CDH18: variants seen among roughly 807,000 people sequenced by gnomAD.
The protein encoded by CDH18 is cadherin 18, also known as cadherin-18.
A neutral mutation model predicts 67.9 loss-of-function variants in CDH18; 31 were observed. That is an observed-to-expected ratio of 0.46 (90% CI 0.34 to 0.62). CDH18 has a LOEUF of 0.62. CDH18 is among the 20% of genes least tolerant of loss of function. The probability of loss-of-function intolerance (pLI) is 0.01; values close to 1 mark genes in which losing one functional copy is unlikely to be tolerated. For synonymous variants in CDH18, 362 were observed against 347.2 expected (o/e 1.04, Z -0.48); for missense variants, 890 against 975.5 (o/e 0.91, Z 1.17).
intron 2 of CDH18, among the ~76,000 whole-genome samples, chr5:19,953,118 A>C (rs990491352): frequency 6.6e-6 from 1 of 152,124 alleles, no homozygotes. Flanking sequence ...AGGAGGAAAG[A>C]CACAAACAGT....
chr5:20,108,458 G>A (rs779560971), intron 2 of CDH18, among the ~76,000 whole-genome samples: 6 of 152,074 alleles, frequency 3.9e-5, no homozygotes, highest in Non-Finnish European at 7.4e-5. Flanking sequence ...TTAGGACTCC[G>A]ATGTGTGAAT....
At chr5:19,496,156 G>A (rs1338374875) in intron 11 of CDH18, among the ~76,000 whole-genome samples, 1 of 152,158 alleles carries the variant, frequency 6.6e-6, no homozygotes, top group African/African-American at 2.4e-5. Flanking sequence ...AGGCCACTGT[G>A]AGTGCACAAG....
chr5:19,562,501 T>C (rs1372369686), intron 8 of CDH18, among the ~76,000 whole-genome samples: 1 of 152,174 alleles, frequency 6.6e-6, no homozygotes, highest in Non-Finnish European at 1.5e-5. Flanking sequence ...GTACCATTAT[T>C]TACCAATAAA....
intron 4 of CDH18, among the ~76,000 whole-genome samples, chr5:19,739,673 CT>C (rs1429418555): frequency 1.3e-5 from 2 of 152,158 alleles, no homozygotes; most frequent in African/African-American, 4.8e-5. Flanking sequence ...ATTTTGTCTA[CT>C]TTCTGGTTTG....
intron 2 of CDH18, among the ~76,000 whole-genome samples, chr5:20,219,417 A>G (rs1199803663): frequency 2.0e-5 from 3 of 151,800 alleles, no homozygotes; most frequent in African/African-American, 7.3e-5. Flanking sequence ...ACTAATATCA[A>G]TCTTACTCAA....
intron 1 of CDH18, among the ~76,000 whole-genome samples, chr5:20,503,467 T>C (rs1754462724): frequency 6.6e-6 from 1 of 152,168 alleles, no homozygotes; most frequent in Non-Finnish European, 1.5e-5. Context: ...ACAGAGTTAA[T>C]CATTGAGTTG....
intron 1 of CDH18, among the ~76,000 whole-genome samples, chr5:20,257,116 A>T (rs756281357): frequency 6.6e-6 from 1 of 152,046 alleles, no homozygotes; most frequent in Non-Finnish European, 1.5e-5. Context: ...ACCTTTTCCA[A>T]AATGACCTTC....
chr5:19,745,444 C>G (rs546900918), intron 4 of CDH18, among the ~76,000 whole-genome samples: 39 of 152,246 alleles, frequency 2.6e-4, no homozygotes, highest in Admixed American at 9.2e-4. Context: ...GGGGCCCTTA[C>G]TTACCTTGGA....
intron 2 of CDH18, among the ~76,000 whole-genome samples, chr5:19,866,189 C>T (rs1448872877): frequency 6.6e-6 from 1 of 152,202 alleles, no homozygotes; most frequent in Non-Finnish European, 1.5e-5. Flanking sequence ...ATGAAGCATG[C>T]CTTGAGGCGT....
At position 20,548,876 on chromosome 5, in the gene CDH18, T is replaced by C. The variant is rs867540823; in HGVS notation, c.-580+26586A>G. On this transcript the variant is annotated intron_variant, in intron 1 of 14. Coordinates refer to the CDH18 transcript ENST00000507958. ...ATGTCTTGATCTGGAAAATCTTAAG[T>C]GTACTGGTGAAAGAGAGAAGTTGGC... Among the ~76,000 whole-genome samples the C allele has an allele frequency of 2.2e-4, 33 of 152,164 alleles. No individual in the cohort carries two copies. The South Asian group carries it at 4.4e-3, about 20-fold the overall frequency.
At chr5:19,976,241 A>G (rs1211073306) in intron 2 of CDH18, among the ~76,000 whole-genome samples, 1 of 152,216 alleles carries the variant, frequency 6.6e-6, no homozygotes, top group Admixed American at 6.6e-5. Context: ...TTTACTTTAC[A>G]TAATACATTA....
chr5:19,822,836 A>G (rs1040353669), intron 3 of CDH18, among the ~76,000 whole-genome samples: 3 of 152,148 alleles, frequency 2.0e-5, no homozygotes, highest in African/African-American at 7.2e-5. Flanking sequence ...GGTCTGACCA[A>G]AAATTTATTA....
chr5:20,511,969 C>T (rs573531432), intron 1 of CDH18, among the ~76,000 whole-genome samples: 14 of 152,204 alleles, frequency 9.2e-5, no homozygotes, highest in Admixed American at 5.9e-4. Context: ...TGGCTCACGC[C>T]GAGCACTTTG....
At chr5:19,687,314 G>A (rs1159556251) in intron 5 of CDH18, among the ~76,000 whole-genome samples, 1 of 152,168 alleles carries the variant, frequency 6.6e-6, no homozygotes, top group Non-Finnish European at 1.5e-5. Context: ...GCCTCCATCA[G>A]AATGCATCCT....
chr5:19,794,240 T>G (rs1200503735), intron 3 of CDH18, among the ~76,000 whole-genome samples: 1 of 152,140 alleles, frequency 6.6e-6, no homozygotes, highest in African/African-American at 2.4e-5. Flanking sequence ...TGAATGTGTC[T>G]GTGAGAGTAT....
At chr5:20,299,024 A>T (rs1638511235) in intron 1 of CDH18, among the ~76,000 whole-genome samples, 1 of 152,190 alleles carries the variant, frequency 6.6e-6, no homozygotes, top group African/African-American at 2.4e-5. Context: ...TGACGGTTGG[A>T]AAAACGCAAT....
chr5:20,123,392 C>G (rs1748535977), intron 2 of CDH18, among the ~76,000 whole-genome samples: 1 of 152,152 alleles, frequency 6.6e-6, no homozygotes, highest in Non-Finnish European at 1.5e-5. Context: ...CAGGCCTGTA[C>G]GTGAGGGACA....
intron 2 of CDH18, among the ~76,000 whole-genome samples, chr5:19,994,640 C>A (rs1317203628): frequency 1.4e-5 from 2 of 139,262 alleles, no homozygotes; most frequent in Non-Finnish European, 3.1e-5. Context: ...TCCTCACTAC[C>A]CTCTAGCAAT....
intron 3 of CDH18, among the ~76,000 whole-genome samples, chr5:19,772,424 A>G (rs746491818): frequency 1.3e-5 from 2 of 152,138 alleles, no homozygotes; most frequent in Non-Finnish European, 2.9e-5. Context: ...TGAGAGAGAG[A>G]GAAAGAGTTG....
Sources: allele counts gnomAD v4.1 joint callset (sites outside exome capture counted in the v4.1 genomes callset), GRCh38; gene constraint gnomAD v4.1.1; transcripts MANE v1.5; gene names NCBI Gene and HGNC (gene_info 2026-07-23, HGNC 2026-07-21).